The following SYT9 variants were observed in gnomAD, a reference collection of about 807,000 sequenced individuals.
SYT9 encodes synaptotagmin-9.
In SYT9, 22 loss-of-function variants were observed where a neutral mutation model predicts 48.4. That is an observed-to-expected ratio of 0.45 (90% CI 0.32 to 0.65). The LOEUF (loss-of-function observed/expected upper bound fraction) is 0.65, where lower values mean the gene tolerates loss of function less well. Ranked by LOEUF, SYT9 falls within the 30% of genes least tolerant of loss-of-function variation. The pLI, the probability that SYT9 is intolerant of heterozygous loss-of-function variation, is 0.03. For missense variants in SYT9, 577 were observed against 622.0 expected (o/e 0.93, Z 0.77); for synonymous variants, 265 against 245.0 (o/e 1.08, Z -0.76).
intron 6 of SYT9, among the ~76,000 whole-genome samples, chr11:7,448,242 G>A (rs1847972310): frequency 6.6e-6 from 1 of 152,324 alleles, no homozygotes; most frequent in Non-Finnish European, 1.5e-5. Flanking sequence ...CCTTCTCTCC[G>A]AAGGGCTTCA....
At chr11:7,371,586 C>T (rs916160294) in intron 3 of SYT9, among the ~76,000 whole-genome samples, 1 of 152,014 alleles carries the variant, frequency 6.6e-6, no homozygotes, top group Non-Finnish European at 1.5e-5. Context: ...TTGACATTTG[C>T]GTTCACACAT....
intron 1 of SYT9, among the ~76,000 whole-genome samples, chr11:7,276,493 C>T (rs995787417): frequency 2.0e-5 from 3 of 152,040 alleles, no homozygotes; most frequent in African/African-American, 7.3e-5. Context: ...TAGCATGACA[C>T]GTGAGAATAT....
chr11:7,424,318 C>G (rs1427887293), intron 6 of SYT9, among the ~76,000 whole-genome samples: 1 of 152,154 alleles, frequency 6.6e-6, no homozygotes, highest in Admixed American at 6.5e-5. Flanking sequence ...GTGAAAACTC[C>G]CCCAAGCAGA....
chr11:7,249,409 A>G (rs1186554815), upstream of SYT9, among the ~76,000 whole-genome samples: 1 of 152,204 alleles, frequency 6.6e-6, no homozygotes, highest in African/African-American at 2.4e-5. Context: ...TCTTGATGGG[A>G]AGAGTGGTAA....
intron 3 of SYT9, among the ~76,000 whole-genome samples, chr11:7,320,842 C>T (rs1849324397): frequency 6.6e-6 from 1 of 152,128 alleles, no homozygotes; most frequent in South Asian, 2.1e-4. Flanking sequence ...TAGTACAATA[C>T]ATCTTTGTGA....
chr11:7,345,323 C>T (rs1405313613), intron 3 of SYT9, among the ~76,000 whole-genome samples: 1 of 152,184 alleles, frequency 6.6e-6, no homozygotes, highest in Non-Finnish European at 1.5e-5. Flanking sequence ...TTAGTTCTTG[C>T]CTCATTTGTT....
At chr11:7,339,823 A>T (rs1053801778) in intron 3 of SYT9, among the ~76,000 whole-genome samples, 2 of 152,094 alleles carry the variant, frequency 1.3e-5, no homozygotes, top group Admixed American at 1.3e-4. Flanking sequence ...AAATCTGATG[A>T]TTATGCATCT....
intron 6 of SYT9, among the ~76,000 whole-genome samples, chr11:7,459,109 G>C (rs1382010553): frequency 6.6e-6 from 1 of 152,246 alleles, no homozygotes; most frequent in Non-Finnish European, 1.5e-5. Flanking sequence ...GGGTATGAGA[G>C]AGAAAAGTAA....
upstream of SYT9, among the ~76,000 whole-genome samples, chr11:7,251,746 G>A (rs1847870565): frequency 6.6e-6 from 1 of 152,136 alleles, no homozygotes; most frequent in Admixed American, 6.5e-5. Flanking sequence ...CGCTCTGGGC[G>A]CGAGGTCCCA....
intron 1 of SYT9, among the ~76,000 whole-genome samples, chr11:7,273,182 A>G (rs1020229248): frequency 3.3e-5 from 5 of 152,146 alleles, no homozygotes; most frequent in African/African-American, 9.7e-5. Context: ...AATGAGAAAG[A>G]GAGACTGAAT....
intron 1 of SYT9, among the ~76,000 whole-genome samples, chr11:7,261,624 A>C (rs1297935471): frequency 1.3e-5 from 2 of 152,184 alleles, no homozygotes; most frequent in African/African-American, 2.4e-5. Context: ...CAAGACATAA[A>C]GACTAAACTG....
At chr11:7,318,070 A>C (rs1055317295) in intron 3 of SYT9, among the ~76,000 whole-genome samples, 2 of 152,180 alleles carry the variant, frequency 1.3e-5, no homozygotes, top group African/African-American at 2.4e-5. Context: ...TCTACACGTG[A>C]CCATAGTATA....
intron 3 of SYT9, among the ~76,000 whole-genome samples, chr11:7,333,064 T>C (rs1235357422): frequency 6.6e-6 from 1 of 152,218 alleles, no homozygotes; most frequent in Non-Finnish European, 1.5e-5. Context: ...TTTGTGGTAT[T>C]TACAATACAG....
chr11:7,330,185 C>T (rs1438522706), intron 3 of SYT9, among the ~76,000 whole-genome samples: 1 of 152,076 alleles, frequency 6.6e-6, no homozygotes, highest in Non-Finnish European at 1.5e-5. Flanking sequence ...CTATTACATA[C>T]ATACAATGGA....
chr11:7,432,044 C>T (rs1311267554), intron 6 of SYT9, among the ~76,000 whole-genome samples: 1 of 152,176 alleles, frequency 6.6e-6, no homozygotes, highest in Non-Finnish European at 1.5e-5. Context: ...GCCACCAGCC[C>T]CCAGACCTCA....
At chr11:7,398,937 A>G (rs1016070527) in intron 3 of SYT9, among the ~76,000 whole-genome samples, 3 of 113,562 alleles carry the variant, frequency 2.6e-5, no homozygotes, top group Non-Finnish European at 5.8e-5. Flanking sequence ...ATACAGTATC[A>G]TGTGTGCAGG....
intron 3 of SYT9, among the ~76,000 whole-genome samples, chr11:7,351,914 C>T (rs1849923223): frequency 6.6e-6 from 1 of 152,000 alleles, no homozygotes; most frequent in African/African-American, 2.4e-5. Context: ...TGGTGATTGG[C>T]TTGCAAATGT....
chr11:7,368,602 G>A (rs1164688833), intron 3 of SYT9, among the ~76,000 whole-genome samples: 1 of 152,114 alleles, frequency 6.6e-6, no homozygotes, highest in Non-Finnish European at 1.5e-5. Flanking sequence ...AATTATGAGT[G>A]AGAACATGCA....
intron 3 of SYT9, among the ~76,000 whole-genome samples, chr11:7,395,950 T>A (rs1476349747): frequency 6.6e-6 from 1 of 152,132 alleles, no homozygotes; most frequent in Non-Finnish European, 1.5e-5. Flanking sequence ...TACTTATATG[T>A]GTTTTTGTGG....
Sources: allele counts gnomAD v4.1 joint callset (sites outside exome capture counted in the v4.1 genomes callset), GRCh38; gene constraint gnomAD v4.1.1; transcripts MANE v1.5; gene names NCBI Gene and HGNC (gene_info 2026-07-23, HGNC 2026-07-21).